CTNNA2: variants seen among roughly 807,000 people sequenced by gnomAD.
CTNNA2 encodes catenin alpha-2.
Under a neutral mutation model 101.0 loss-of-function variants are expected in CTNNA2, and 42 were observed. The observed-to-expected ratio is 0.42, with a 90% confidence interval of 0.32 to 0.54. The LOEUF is 0.54. Ranked by LOEUF, CTNNA2 falls within the 20% of genes least tolerant of loss-of-function variation. CTNNA2 has a pLI of 0.14. For missense variants in CTNNA2, 871 were observed against 1,223.1 expected, an observed-to-expected ratio of 0.71 and a Z score of 4.29; for synonymous variants, 450 against 456.4, an observed-to-expected ratio of 0.99 and a Z score of 0.18.
At chr2:79,200,634 A>C (rs1283359156) in intron 2 of CTNNA2, among the ~76,000 whole-genome samples, 1 of 152,184 alleles carries the variant, frequency 6.6e-6, no homozygotes, top group Non-Finnish European at 1.5e-5. Flanking sequence ...TAAATGAAGG[A>C]AACAGAATTC....
chr2:80,105,733 C>CA (rs112127356), intron 7 of CTNNA2, among the ~76,000 whole-genome samples: 2,573 of 143,138 alleles, frequency 0.018, 64 homozygotes, highest in African/African-American at 0.06. Context: ...GATCTTGTCT[C>CA]AAAAAAAAAA....
intron 7 of CTNNA2, among the ~76,000 whole-genome samples, chr2:79,992,364 T>C (rs1692242481): frequency 6.6e-6 from 1 of 152,202 alleles, no homozygotes; most frequent in South Asian, 2.1e-4. Context: ...ATATTGCATA[T>C]GGTGAAATGG....
chr2:80,370,056 A>G (rs2149331768), intron 7 of CTNNA2, among the ~76,000 whole-genome samples: 1 of 152,306 alleles, frequency 6.6e-6, no homozygotes, highest in South Asian at 2.1e-4. Context: ...AAATATAGGG[A>G]AACACTTAAA....
At chr2:79,187,425 C>T (rs905154380) in intron 1 of CTNNA2, among the ~76,000 whole-genome samples, 4 of 151,604 alleles carry the variant, frequency 2.6e-5, no homozygotes, top group Admixed American at 2.0e-4. Flanking sequence ...GCCTGAGTCT[C>T]CCAAGTAGCT....
chr2:79,647,766 A>C (rs73938755), intron 1 of CTNNA2, among the ~76,000 whole-genome samples: 1 of 152,328 alleles, frequency 6.6e-6, no homozygotes, highest in Admixed American at 6.5e-5. Flanking sequence ...GGCATGCAAC[A>C]TACAACAGCA....
intron 7 of CTNNA2, among the ~76,000 whole-genome samples, chr2:79,943,416 C>G (rs1466567770): frequency 6.6e-6 from 1 of 152,080 alleles, no homozygotes; most frequent in East Asian, 1.9e-4. Flanking sequence ...AAAAAGAAGT[C>G]CAGAGACAAA....
intron 7 of CTNNA2, among the ~76,000 whole-genome samples, chr2:80,359,335 GC>G (rs1674156758): frequency 6.6e-6 from 1 of 152,200 alleles, no homozygotes; most frequent in Non-Finnish European, 1.5e-5. Flanking sequence ...GTTCTACTGA[GC>G]TTTTTGTCTA....
At chr2:80,146,803 C>A (rs1440384483) in intron 7 of CTNNA2, among the ~76,000 whole-genome samples, 2 of 135,454 alleles carry the variant, frequency 1.5e-5, no homozygotes, top group Non-Finnish European at 3.1e-5. Flanking sequence ...CGGCTCACTG[C>A]AACCTCTGCC....
intron 7 of CTNNA2, among the ~76,000 whole-genome samples, chr2:79,987,033 T>C (rs952584022): frequency 6.6e-6 from 1 of 152,216 alleles, no homozygotes; most frequent in Non-Finnish European, 1.5e-5. Flanking sequence ...TTTTCTTGAC[T>C]GGCAGCCCCG....
At chr2:80,321,536 AAAT>A (rs1678687869) in intron 7 of CTNNA2, among the ~76,000 whole-genome samples, 2 of 152,232 alleles carry the variant, frequency 1.3e-5, no homozygotes, top group African/African-American at 4.8e-5. Flanking sequence ...GCATATTTTA[AAAT>A]AATTTGTGGT....
At chr2:80,224,094 C>T (rs986310891) in intron 7 of CTNNA2, among the ~76,000 whole-genome samples, 11 of 152,156 alleles carry the variant, frequency 7.2e-5, no homozygotes, top group Admixed American at 4.6e-4. Context: ...GCCCTCTTGA[C>T]ACATAAACTC....
chr2:80,403,716 C>T (rs1471009879), intron 8 of CTNNA2, among the ~76,000 whole-genome samples: 7 of 152,122 alleles, frequency 4.6e-5, no homozygotes, highest in Non-Finnish European at 8.8e-5. Flanking sequence ...GGAAAATTCC[C>T]ATTTAGTATG....
At chr2:79,505,279 C>T (rs1671387891) in intron 5 of CTNNA2, 1 of 152,192 alleles carries the variant, frequency 6.6e-6, no homozygotes, top group African/African-American at 2.4e-5. Context: ...CTTCTTCACT[C>T]TCCCAACTTT....
At chr2:79,650,222 G>A (rs1198116649) in intron 1 of CTNNA2, among the ~76,000 whole-genome samples, 1 of 151,194 alleles carries the variant, frequency 6.6e-6, no homozygotes, top group East Asian at 2.0e-4. Context: ...CTTGTTGTGT[G>A]GAGACTGCTA....
Position 79,475,742 on chromosome 2 carries a change from T to C in CTNNA2, c.-134-29312T>C, listed in dbSNP as rs74576271. On this transcript the variant is annotated intron_variant, in intron 4 of 21. Transcript: ENST00000466387. ...GAAAATTTCTTGCTTATTCTAATTATTCATCATTATGTATGTAAGACCAAG... is the reference window on the plus strand; with the variant it reads ...GAAAATTTCTTGCTTATTCTAATTACTCATCATTATGTATGTAAGACCAAG... Among the ~76,000 whole-genome samples the C allele has an allele frequency of 2.0e-4, 31 of 152,062 alleles. 1 individual carries two copies. In the East Asian group the frequency reaches 6.0e-3, roughly 29 times the overall value.
At chr2:79,237,852 G>A (rs1222039661) in intron 2 of CTNNA2, among the ~76,000 whole-genome samples, 1 of 152,140 alleles carries the variant, frequency 6.6e-6, no homozygotes, top group African/African-American at 2.4e-5. Context: ...CTCTGGATTA[G>A]ACTTTGGTTT....
intron 1 of CTNNA2, among the ~76,000 whole-genome samples, chr2:79,560,579 A>G (rs1337783507): frequency 6.6e-6 from 1 of 151,872 alleles, no homozygotes; most frequent in Non-Finnish European, 1.5e-5. Context: ...GTGTCTCTCT[A>G]TTGTATGCTA....
At chr2:79,536,213 T>G (rs1168053091) in intron 1 of CTNNA2, among the ~76,000 whole-genome samples, 1 of 152,184 alleles carries the variant, frequency 6.6e-6, no homozygotes, top group Non-Finnish European at 1.5e-5. Flanking sequence ...GTGGCTAGGT[T>G]TTCTTAATTT....
intron 1 of CTNNA2, among the ~76,000 whole-genome samples, chr2:79,515,985 C>A (rs944558248): frequency 1.3e-5 from 2 of 152,140 alleles, no homozygotes; most frequent in African/African-American, 4.8e-5. Context: ...GTAAAAGACA[C>A]TCTCTTTGAC....
Sources: gnomAD v4.1 joint callset for allele counts (sites outside exome capture counted in the v4.1 genomes callset) on GRCh38, gnomAD v4.1.1 for gene constraint, MANE v1.5 for transcripts, NCBI Gene and HGNC (gene_info 2026-07-23, HGNC 2026-07-21) for gene names.